RYR2: variants seen among roughly 807,000 people sequenced by gnomAD.
RYR2 encodes cardiac muscle ryanodine receptor-calcium release channel.
Under a neutral mutation model 601.1 loss-of-function variants are expected in RYR2, and 227 were observed. That is an observed-to-expected ratio of 0.38 (90% CI 0.34 to 0.42). The LOEUF is 0.42. Among genes scored for constraint, RYR2 ranks in the 10% least tolerant of loss-of-function variants. The pLI, the probability that RYR2 is intolerant of heterozygous loss-of-function variation, is 1.00. For synonymous variants in RYR2, 2,223 were observed against 2,175.1 expected (o/e 1.02, Z -0.61); for missense variants, 4,646 against 6,156.5 (o/e 0.75, Z 8.21).
chr1:237,044,873 G>A (rs1335039329), intron 1 of RYR2, among the ~76,000 whole-genome samples: 1 of 148,824 alleles, frequency 6.7e-6, no homozygotes, highest in Non-Finnish European at 1.5e-5. Flanking sequence ...TTCCCACATT[G>A]AAGTCGCTTC....
At chr1:237,067,650 A>C (rs940043972) in intron 1 of RYR2, among the ~76,000 whole-genome samples, 3 of 152,204 alleles carry the variant, frequency 2.0e-5, no homozygotes, top group African/African-American at 7.2e-5. Flanking sequence ...CTATATCTAC[A>C]AAAAATTTCA....
At chr1:237,713,993 G>A (rs1320801758) in intron 71 of RYR2, among the ~76,000 whole-genome samples, 1 of 148,488 alleles carries the variant, frequency 6.7e-6, no homozygotes, top group Non-Finnish European at 1.5e-5. Context: ...AAAATTTTTT[G>A]TAAGTTCCCA....
At chr1:237,140,371 A>G (rs1673250113) in intron 1 of RYR2, among the ~76,000 whole-genome samples, 1 of 152,338 alleles carries the variant, frequency 6.6e-6, no homozygotes, top group Admixed American at 6.5e-5. Context: ...AACTTTTTAT[A>G]AGGCCATGCA....
At chr1:237,184,968 C>T (rs747879432) in intron 1 of RYR2, among the ~76,000 whole-genome samples, 2 of 151,536 alleles carry the variant, frequency 1.3e-5, no homozygotes, top group Non-Finnish European at 2.9e-5. Context: ...CTCTCAGGCT[C>T]AAGCAATCCT....
At chr1:237,734,550 T>G (rs80207278) in intron 79 of RYR2, among the ~76,000 whole-genome samples, 1 of 152,208 alleles carries the variant, frequency 6.6e-6, no homozygotes, top group Admixed American at 6.5e-5. Flanking sequence ...GAGGTCTGCT[T>G]AAGGAAGTCT....
At chr1:237,654,766 A>T (rs1683084189) in intron 52 of RYR2, among the ~76,000 whole-genome samples, 1 of 152,226 alleles carries the variant, frequency 6.6e-6, no homozygotes, top group Non-Finnish European at 1.5e-5. Flanking sequence ...TCCAATATAA[A>T]AATACAAAAC....
chr1:237,475,336 G>A (rs892992821), intron 17 of RYR2, among the ~76,000 whole-genome samples: 24 of 152,062 alleles, frequency 1.6e-4, no homozygotes, highest in African/African-American at 5.8e-4. Context: ...TCTTATTTTG[G>A]GGTTCTGTTT....
intron 101 of RYR2, among the ~76,000 whole-genome samples, chr1:237,826,933 G>A (rs993069168): frequency 6.6e-5 from 10 of 152,234 alleles, no homozygotes; most frequent in South Asian, 2.1e-4. Flanking sequence ...CTTCAACCAC[G>A]GTGCTGTATT....
intron 1 of RYR2, among the ~76,000 whole-genome samples, chr1:237,089,615 T>C (rs979659315): frequency 5.9e-5 from 9 of 152,250 alleles, no homozygotes; most frequent in Non-Finnish European, 1.2e-4. Flanking sequence ...AAATCCACAC[T>C]ACTTTTAGCC....
At chr1:237,776,712 GGA>G (rs1212780010) in intron 87 of RYR2, among the ~76,000 whole-genome samples, 2 of 151,932 alleles carry the variant, frequency 1.3e-5, no homozygotes, top group African/African-American at 4.8e-5. Flanking sequence ...TGTTGCTGTG[GGA>G]GAGAGGAGGT....
At chr1:237,495,208 T>G (rs1362578707) in intron 19 of RYR2, among the ~76,000 whole-genome samples, 2 of 152,210 alleles carry the variant, frequency 1.3e-5, no homozygotes, top group Non-Finnish European at 2.9e-5. Context: ...TTATAGATGT[T>G]TACCAGTCCA....
intron 1 of RYR2, among the ~76,000 whole-genome samples, chr1:237,151,056 T>C (rs1017928891): frequency 6.6e-6 from 1 of 152,192 alleles, no homozygotes; most frequent in Non-Finnish European, 1.5e-5. Context: ...TTAATTTTCA[T>C]CTAGATTTTA....
intron 1 of RYR2, among the ~76,000 whole-genome samples, chr1:237,182,527 C>A (rs1345228649): frequency 6.6e-6 from 1 of 152,132 alleles, no homozygotes; most frequent in African/African-American, 2.4e-5. Context: ...ATTTTTGCCA[C>A]AGGAATCATG....
chr1:237,810,692 T>C (rs1312134286), intron 100 of RYR2, among the ~76,000 whole-genome samples: 1 of 152,188 alleles, frequency 6.6e-6, no homozygotes, highest in African/African-American at 2.4e-5. Flanking sequence ...CTAGGAATAA[T>C]CTAAATGATC....
chr1:237,626,356 T>G (rs7531957), intron 40 of RYR2, among the ~76,000 whole-genome samples: 32,539 of 151,844 alleles, frequency 0.21, 5,058 homozygotes, highest in African/African-American at 0.45. Context: ...AAGACTGTAT[T>G]GATTTTAAGA....
Position 237,801,833 on chromosome 1 carries a change from ATTTT to A in RYR2, c.14091-14_14091-11del. On this transcript the variant is annotated intron_variant, in intron 97 of 104. Coordinates refer to ENST00000366574, the MANE Select transcript of RYR2 (RefSeq NM_001035.3). ...CTTTGGTTAATGTGCATAACTACGC[ATTTT>A]TTTTTTTTGTCATTGCAGACTGAAC... is the stretch of plus-strand genomic sequence containing the variant. 3.7e-6 allele frequency: 5 copies of A among 1,365,614 alleles called. No individual in the cohort carries two copies. The highest frequency in any genetic ancestry group is 3.0e-6 in the Non-Finnish European group (3 of 988,990). The allele number at this position is 1,365,614 out of a possible 1,614,324, so 84.6% of individuals were successfully genotyped here.
chr1:237,288,463 C>G (rs1691813828), intron 2 of RYR2, among the ~76,000 whole-genome samples: 1 of 149,756 alleles, frequency 6.7e-6, no homozygotes, highest in African/African-American at 2.5e-5. Flanking sequence ...TGAGCTCAGA[C>G]TGTCCTTGGG....
chr1:237,540,665 T>A (rs978295573), intron 25 of RYR2, among the ~76,000 whole-genome samples: 35 of 151,038 alleles, frequency 2.3e-4, no homozygotes, highest in Non-Finnish European at 3.7e-4. Flanking sequence ...TGAGATCGCA[T>A]CATTGTAATC....
intron 58 of RYR2, among the ~76,000 whole-genome samples, chr1:237,671,152 G>A (rs1420036516): frequency 6.6e-6 from 1 of 152,118 alleles, no homozygotes; most frequent in Non-Finnish European, 1.5e-5. Context: ...TTCTCTTACT[G>A]CATGTATGGA....
Sources: gnomAD v4.1 joint callset for allele counts (sites outside exome capture counted in the v4.1 genomes callset) on GRCh38, gnomAD v4.1.1 for gene constraint, MANE v1.5 for transcripts, NCBI Gene and HGNC (gene_info 2026-07-23, HGNC 2026-07-21) for gene names.